The following ELOVL2 variants were observed in gnomAD, a reference collection of about 807,000 sequenced individuals.
The protein encoded by ELOVL2 is ELOVL fatty acid elongase 2, also known as very long chain fatty acid elongase 2.
A neutral mutation model predicts 37.7 loss-of-function variants in ELOVL2; 38 were observed. That is an observed-to-expected ratio of 1.01 (90% CI 0.78 to 1.32). ELOVL2 has a LOEUF of 1.32. ELOVL2 is among the 40% of genes most tolerant of loss of function. The pLI is 0.00. For synonymous variants in ELOVL2, 115 were observed against 122.3 expected (o/e 0.94, Z 0.40); for missense variants, 352 against 363.6 (o/e 0.97, Z 0.26).
At chr6:11,014,839 T>C (rs1393487418) in intron 1 of ELOVL2, among the ~76,000 whole-genome samples, 1 of 152,230 alleles carries the variant, frequency 6.6e-6, no homozygotes, top group African/African-American at 2.4e-5. Context: ...CTTTGAGGCT[T>C]TTCTTTTTTT....
intron 1 of ELOVL2, among the ~76,000 whole-genome samples, chr6:11,035,724 C>T (rs535843809): frequency 5.3e-5 from 8 of 152,150 alleles, no homozygotes; most frequent in African/African-American, 1.9e-4. Flanking sequence ...CACATGGACA[C>T]GGAGGCACAT....
intron 1 of ELOVL2, among the ~76,000 whole-genome samples, chr6:11,012,394 T>G (rs780626580): frequency 6.6e-6 from 1 of 152,224 alleles, no homozygotes; most frequent in African/African-American, 2.4e-5. Flanking sequence ...TGTGACAGAA[T>G]ATGATCTGTG....
chr6:11,002,330 T>C (rs918644378), intron 3 of ELOVL2, among the ~76,000 whole-genome samples: 7 of 152,218 alleles, frequency 4.6e-5, no homozygotes, highest in African/African-American at 1.4e-4. Flanking sequence ...GGGAACTCAA[T>C]ACATATTTGT....
intron 1 of ELOVL2, among the ~76,000 whole-genome samples, chr6:11,018,137 T>G (rs1027286413): frequency 5.3e-5 from 8 of 152,192 alleles, no homozygotes; most frequent in South Asian, 2.1e-4. Context: ...TGCCTATATA[T>G]TTTTAAAGTA....
rs144042772 is a variant in ELOVL2, at chr6:11,039,558, A to G, written c.3+4670T>C. Among the ~76,000 whole-genome samples, 199 of 152,324 alleles carry G rather than the reference A, an allele frequency of 1.3e-3. 2 individuals are homozygous for G. In the Middle Eastern group the frequency reaches 0.02, roughly 16 times the overall value. ...AACTGGAATATCTATCACTTCAAACATTTATCTTTTCTTATGTTAGAAATA... is the reference window on the plus strand; with the variant it reads ...AACTGGAATATCTATCACTTCAAACGTTTATCTTTTCTTATGTTAGAAATA... On this transcript the variant is annotated intron_variant, in intron 1 of 7. Transcript: ENST00000354666.
At chr6:11,029,268 T>C (rs1469382038) in intron 1 of ELOVL2, among the ~76,000 whole-genome samples, 2 of 142,914 alleles carry the variant, frequency 1.4e-5, no homozygotes, top group Admixed American at 1.4e-4. Context: ...GCATTCAGTG[T>C]GGTTCACTGC....
intron 2 of ELOVL2, 109 bp from the exon 3 acceptor site, chr6:11,005,668 T>A: frequency 1.1e-6 from 1 of 886,548 alleles, no homozygotes; most frequent in Non-Finnish European, 1.7e-6. Flanking sequence ...AGGGAACAAC[T>A]CCATACAACA....
intron 7 of ELOVL2, among the ~76,000 whole-genome samples, chr6:10,986,329 A>C (rs1782053163): frequency 6.6e-6 from 1 of 152,202 alleles, no homozygotes; most frequent in African/African-American, 2.4e-5. Context: ...TCCTAATTGA[A>C]TACCCTTTAT....
chr6:11,020,419 C>T (rs544098630), intron 1 of ELOVL2, among the ~76,000 whole-genome samples: 3 of 152,246 alleles, frequency 2.0e-5, no homozygotes, highest in East Asian at 3.9e-4. Flanking sequence ...TGGCAATAAG[C>T]GTTTGGATAA....
rs1277422495 is a variant in ELOVL2 at position 10,983,667 on chromosome 6, T to C, written c.*114A>G. 1.8e-5 allele frequency: 21 copies of C among 1,158,428 alleles called. No homozygotes were observed. The highest frequency in any genetic ancestry group is 3.0e-5 in the Admixed American group (1 of 32,984). 71.8% of individuals were successfully genotyped at this position (1,158,428 alleles called of 1,614,324 possible). On this transcript the variant is annotated 3_prime_UTR_variant, in exon 8 of 8. Coordinates refer to ENST00000354666, the MANE Select transcript of ELOVL2 (RefSeq NM_017770.4). ...TAATACATTCTGGGTACAAATGATTTATGAACTCAAAAGAAATTAGTTTAT... is the reference window on the plus strand; with the variant it reads ...TAATACATTCTGGGTACAAATGATTCATGAACTCAAAAGAAATTAGTTTAT...
intron 1 of ELOVL2, among the ~76,000 whole-genome samples, chr6:11,038,260 T>C (rs1029136644): frequency 5.3e-5 from 8 of 152,156 alleles, no homozygotes; most frequent in African/African-American, 1.9e-4. Context: ...AAAATAGTAT[T>C]ATTATACAGT....
At chr6:11,009,539 T>A (rs1347159197) in intron 2 of ELOVL2, among the ~76,000 whole-genome samples, 1 of 152,152 alleles carries the variant, frequency 6.6e-6, no homozygotes, top group African/African-American at 2.4e-5. Context: ...AGGCAACGTT[T>A]AAGCTGACAC....
At chr6:11,025,871 T>A (rs1782831861) in intron 1 of ELOVL2, among the ~76,000 whole-genome samples, 1 of 152,240 alleles carries the variant, frequency 6.6e-6, no homozygotes, top group Admixed American at 6.5e-5. Context: ...TAATGCTTTT[T>A]AGAACTGTAT....
At position 11,044,104 on chromosome 6, in the gene ELOVL2, G is replaced by A. The variant is rs1783165927; in HGVS notation, c.3+124C>T. On this transcript the variant is annotated intron_variant, in intron 1 of 7. Transcript: ENST00000354666. The surrounding 1 kb of genome is among the most constrained non-coding windows in gnomAD (Gnocchi z 5.6). ...CGGACCCGGCCCCTCCGAGGGTAGC[G>A]GGTTCCAGCGGCGAACCCGCAGCGC... 2.4e-5 allele frequency: 29 copies of A among 1,224,178 alleles called. No individual in the cohort carries two copies. The highest frequency in any genetic ancestry group is 2.9e-5 in the Non-Finnish European group (28 of 949,186). The allele number at this position is 1,224,178 out of a possible 1,614,324, so 75.8% of individuals were successfully genotyped here.
In ELOVL2 at chr6:11,000,100, T is replaced by TC; in HGVS notation, c.319dup (p.Glu107GlyfsTer3). The TC allele has an allele frequency of 6.2e-7, 1 of 1,614,086 alleles. No individual in the cohort carries two copies. The highest frequency in any genetic ancestry group is 8.5e-7 in the Non-Finnish European group (1 of 1,179,986). On this transcript the variant is annotated frameshift_variant, in exon 4 of 8. Coordinates refer to ENST00000354666, the MANE Select transcript of ELOVL2 (RefSeq NM_017770.4). LOFTEE classifies it high-confidence loss of function. ...CTAGTGGCTCACCCGGATGTCAGCT[T>TC]CCCCTGCGCTGGTAAGATCTTGACA...
chr6:11,022,124 C>CT (rs2113542324), intron 1 of ELOVL2, among the ~76,000 whole-genome samples: 1 of 152,288 alleles, frequency 6.6e-6, no homozygotes, highest in East Asian at 1.9e-4. Context: ...TGGGGGTGCC[C>CT]TTGCAGTGCT....
At chr6:11,038,777 G>C (rs1443963284) in intron 1 of ELOVL2, among the ~76,000 whole-genome samples, 1 of 152,160 alleles carries the variant, frequency 6.6e-6, no homozygotes, top group Non-Finnish European at 1.5e-5. Flanking sequence ...AGGTTACACA[G>C]GCAAATGTGT....
intron 4 of ELOVL2, among the ~76,000 whole-genome samples, chr6:10,996,406 C>A (rs140241155): frequency 6.6e-6 from 1 of 152,070 alleles, no homozygotes; most frequent in Non-Finnish European, 1.5e-5. Flanking sequence ...GTTTTGAAGA[C>A]GTTTTTAAAA....
chr6:11,005,502 G>T lies in ELOVL2; in HGVS notation c.125C>A (p.Thr42Asn), dbSNP rs758712900. ...LDSYLPTFFLTVMYLLSIWLG... is the reference protein window; with the variant it reads ...LDSYLPTFFLNVMYLLSIWLG... Reference sequence around the variant, plus strand: ...CCATATTGAGAGCAGATACATGACAGTAAGAAAAAAGGTAGGAAGGTAAGA... The same window carrying T: ...CCATATTGAGAGCAGATACATGACATTAAGAAAAAAGGTAGGAAGGTAAGA... Residue 42 changes from threonine to asparagine, a missense_variant, in exon 3 of 8, where the codon ACT becomes AAT. Transcript: ENST00000354666. The T allele has an allele frequency of 6.2e-7, 1 of 1,613,734 alleles. No homozygotes were observed. The highest frequency in any genetic ancestry group is 1.1e-5 in the South Asian group (1 of 90,976).
Sources: gnomAD v4.1 joint callset for allele counts (sites outside exome capture counted in the v4.1 genomes callset) on GRCh38, gnomAD v4.1.1 for gene constraint, Gnocchi (gnomAD v3.1) non-coding constraint, MANE v1.5 for transcripts, NCBI Gene and HGNC (gene_info 2026-07-23, HGNC 2026-07-21) for gene names.